ATIC: variants seen among roughly 807,000 people sequenced by gnomAD.
The protein encoded by ATIC is 5-aminoimidazole-4-carboxamide ribonucleotide formyltransferase/IMP cyclohydrolase.
A neutral mutation model predicts 72.5 loss-of-function variants in ATIC; 64 were observed. That is an observed-to-expected ratio of 0.88 (90% CI 0.72 to 1.09). ATIC has a LOEUF of 1.09. Ranked by LOEUF, ATIC falls within the 50% of genes least tolerant of loss-of-function variation. ATIC has a pLI of 0.00. For missense variants in ATIC, 787 were observed against 732.4 expected (o/e 1.07, Z -0.86); for synonymous variants, 281 against 267.1 (o/e 1.05, Z -0.51).
At position 215,349,250 on chromosome 2, in the gene ATIC, G is replaced by T; in HGVS notation, c.1659+1G>T. ...AGATAACGTAGACAGAGCTAAAAGG[G>T]TAAGTATGGAATTGGGTGCATTTGC... On this transcript the variant is annotated splice_donor_variant, in intron 15 of 15. Coordinates refer to ENST00000236959, the MANE Select transcript of ATIC (RefSeq NM_004044.7). LOFTEE classifies it high-confidence loss of function. 1 of 1,614,112 alleles carries T rather than the reference G, an allele frequency of 6.2e-7. No homozygotes were observed. The highest frequency in any genetic ancestry group is 8.5e-7 in the Non-Finnish European group (1 of 1,180,024).
chr2:215,326,351 TC>T (rs1488729684), intron 6 of ATIC, among the ~76,000 whole-genome samples: 1 of 152,136 alleles, frequency 6.6e-6, no homozygotes, highest in Non-Finnish European at 1.5e-5. Flanking sequence ...ACGCCTGTAA[TC>T]CTAGCACTTT....
intron 12 of ATIC, among the ~76,000 whole-genome samples, chr2:215,343,398 A>G (rs2106037366): frequency 6.6e-6 from 1 of 152,200 alleles, no homozygotes; most frequent in South Asian, 2.1e-4. Context: ...GTGCAGTGGC[A>G]TGATCTTGTC....
chr2:215,313,079 A>C (rs1476198714), intron 2 of ATIC, among the ~76,000 whole-genome samples: 1 of 152,216 alleles, frequency 6.6e-6, no homozygotes, highest in South Asian at 2.1e-4. Context: ...CCTGGGTGAC[A>C]GAGAAAGACC....
chr2:215,365,988 T>C, the ATIC span, among the ~76,000 whole-genome samples: 3 of 137,754 alleles, frequency 2.2e-5, no homozygotes, highest in Non-Finnish European at 4.7e-5. Flanking sequence ...TTTTTTTTTT[T>C]TGTATTTTTT....
intron 2 of ATIC, among the ~76,000 whole-genome samples, chr2:215,317,840 G>A (rs185446912): frequency 6.6e-5 from 10 of 152,192 alleles, no homozygotes; most frequent in Admixed American, 4.6e-4. Context: ...TCAGTTGTAT[G>A]TCTTAGTAAT....
At chr2:215,348,652 A>G (rs1275564146) in intron 14 of ATIC, 1 of 430,578 alleles carries the variant, frequency 2.3e-6, no homozygotes, top group Non-Finnish European at 4.6e-6. Context: ...CATGTAAATA[A>G]TGGTCATTAT....
downstream of ATIC, among the ~76,000 whole-genome samples, chr2:215,351,816 A>G (rs981068527): frequency 6.6e-6 from 1 of 152,232 alleles, no homozygotes. Flanking sequence ...AATAGTAACT[A>G]CAGTGGAGAA....
At chr2:215,354,457 CT>C (rs2053152368), downstream of ATIC, among the ~76,000 whole-genome samples, 1 of 152,118 alleles carries the variant, frequency 6.6e-6, no homozygotes, top group African/African-American at 2.4e-5. Flanking sequence ...GTTCTTTGTG[CT>C]AATATTTCCT....
intron 7 of ATIC, among the ~76,000 whole-genome samples, chr2:215,331,382 T>G (rs1437345898): frequency 4.7e-5 from 3 of 63,276 alleles, no homozygotes; most frequent in African/African-American, 1.5e-4. Flanking sequence ...GTTTTTTGGG[T>G]TTTTTTTTTT....
chr2:215,365,567 T>C, the ATIC span: 1 of 1,613,970 alleles, frequency 6.2e-7, no homozygotes, highest in Non-Finnish European at 8.5e-7. Flanking sequence ...CATCTGGCCA[T>C]TTTCTCCCTG....
chr2:215,361,575 T>TGTCA, the ATIC span: 1 of 1,610,996 alleles, frequency 6.2e-7, no homozygotes, highest in Non-Finnish European at 8.5e-7. Flanking sequence ...GAATCTTCTC[T>TGTCA]GTCAGCCTGT....
downstream of ATIC, among the ~76,000 whole-genome samples, chr2:215,352,849 T>C (rs114765984): frequency 5.5e-3 from 714 of 130,416 alleles, 9 homozygotes; most frequent in African/African-American, 0.019. Context: ...TTGCAGTCGA[T>C]TGACTGAAGA....
chr2:215,313,259 A>C (rs1461688119), intron 2 of ATIC, among the ~76,000 whole-genome samples: 1 of 152,232 alleles, frequency 6.6e-6, no homozygotes, highest in Non-Finnish European at 1.5e-5. Context: ...GGAAAACTTC[A>C]GTTACTTTGA....
chr2:215,336,339 T>C (rs951647129), intron 11 of ATIC, among the ~76,000 whole-genome samples: 76 of 152,208 alleles, frequency 5.0e-4, no homozygotes, highest in African/African-American at 1.8e-3. Flanking sequence ...CTGGTTGTGA[T>C]GGCTCATGCC....
intron 4 of ATIC, among the ~76,000 whole-genome samples, chr2:215,323,104 G>A (rs1356163309): frequency 6.6e-6 from 1 of 151,966 alleles, no homozygotes; most frequent in Non-Finnish European, 1.5e-5. Flanking sequence ...GCTACCATGC[G>A]CAGCTAATTT....
intron 3 of ATIC, 139 bp from the exon 4 acceptor site, chr2:215,319,526 G>C (rs2052744709): frequency 4.5e-6 from 3 of 671,374 alleles, no homozygotes; most frequent in South Asian, 1.7e-5. Context: ...CTGGGCGATA[G>C]AGTGAGACCA....
intron 11 of ATIC, among the ~76,000 whole-genome samples, chr2:215,338,366 T>G (rs986889646): frequency 3.3e-5 from 5 of 152,266 alleles, no homozygotes; most frequent in Admixed American, 3.3e-4. Flanking sequence ...AATTTAATTT[T>G]TGTGCCATTG....
chr2:215,333,554 G>T lies in ATIC; in HGVS notation c.922+97G>T, dbSNP rs566176700. 398 of 868,732 alleles carry T rather than the reference G, an allele frequency of 4.6e-4. 3 individuals carry two copies. In the South Asian group the frequency reaches 5.2e-3, roughly 11 times the overall value. The allele number at this position is 868,732 out of a possible 1,614,324, so 53.8% of individuals were successfully genotyped here. A position where few individuals can be genotyped will look rare whatever the true frequency, so the allele number is the denominator to read the frequency against. ...GGATAGAATAAAGAAAAAATATATAGATATTCTGTATAATATATAGATGAA... is the reference window on the plus strand; with the variant it reads ...GGATAGAATAAAGAAAAAATATATATATATTCTGTATAATATATAGATGAA... On this transcript the variant is annotated intron_variant, in intron 9 of 15. Coordinates refer to ENST00000236959, the MANE Select transcript of ATIC (RefSeq NM_004044.7).
chr2:215,321,239 G>GT (rs1263189829), intron 4 of ATIC, among the ~76,000 whole-genome samples: 4 of 152,066 alleles, frequency 2.6e-5, no homozygotes, highest in Non-Finnish European at 5.9e-5. Flanking sequence ...ACAATATATG[G>GT]TTTTTTTGTT....
Sources: allele counts gnomAD v4.1 joint callset (sites outside exome capture counted in the v4.1 genomes callset), GRCh38; gene constraint gnomAD v4.1.1; transcripts MANE v1.5; gene names NCBI Gene and HGNC (gene_info 2026-07-23, HGNC 2026-07-21).